Variants in STRADA observed in about 807,000 individuals in gnomAD.
STRADA encodes the protein STE20-related kinase adapter protein alpha.
In STRADA, 26 loss-of-function variants were observed where a neutral mutation model predicts 55.0. The observed-to-expected ratio is 0.47, with a 90% CI of 0.35 to 0.66. STRADA has a LOEUF of 0.66. STRADA is among the 30% of genes least tolerant of loss of function. The pLI, the probability that STRADA is intolerant of heterozygous loss-of-function variation, is 0.01. For missense variants in STRADA, 443 were observed against 549.7 expected (o/e 0.81, Z 1.94); for synonymous variants, 197 against 210.9 (o/e 0.93, Z 0.57).
intron 8 of STRADA, among the ~76,000 whole-genome samples, chr17:63,708,302 CA>C (rs1369697932): frequency 6.6e-6 from 1 of 151,550 alleles, no homozygotes; most frequent in Non-Finnish European, 1.5e-5. Context: ...CAGGTTCAAG[CA>C]ATTCTCCTGC....
In STRADA at chr17:63,704,034, T is replaced by C. The variant is rs745628385; in HGVS notation, c.1114A>G (p.Thr372Ala). ...RNPDARPSASTLLNHSFFKQI... is the reference protein window; with the variant it reads ...RNPDARPSASALLNHSFFKQI... The stretch of plus-strand genomic sequence containing the variant: ...TTGAAGAAAGAGTGGTTCAGGAGGG[T>C]GCTGGCACTGGGCCTGGAGGGAAAG... Residue 372 changes from threonine (T) to alanine (A), a missense_variant, in exon 12 of 13, where the codon ACC (threonine) becomes GCC (alanine). Thr to Ala is a moderately conservative substitution (Grantham distance 58). Transcript: ENST00000336174. 1 of 1,613,694 alleles carries C rather than the reference T, an allele frequency of 6.2e-7. No individual in the cohort carries two copies. The highest frequency in any genetic ancestry group is 1.1e-5 in the South Asian group (1 of 91,062).
intron 10 of STRADA, 94 bp from the exon 11 acceptor site, chr17:63,704,676 C>T (rs2035962227): frequency 1.5e-5 from 22 of 1,511,002 alleles, no homozygotes; most frequent in East Asian, 4.7e-5. Flanking sequence ...ATACACTGTT[C>T]CCAATATGCA....
intron 1 of STRADA, among the ~76,000 whole-genome samples, chr17:63,732,831 C>T (rs1356514661): frequency 2.0e-5 from 3 of 152,292 alleles, no homozygotes; most frequent in Non-Finnish European, 2.9e-5. Flanking sequence ...ATTCTCCTAC[C>T]TTGGCCTCCC....
chr17:63,739,775 CATAT>C (rs1555711960), intron 1 of STRADA, among the ~76,000 whole-genome samples: 3 of 106,930 alleles, frequency 2.8e-5, no homozygotes, highest in Non-Finnish European at 5.4e-5. Flanking sequence ...TATATATGTA[CATAT>C]ATACATATAA....
At chr17:63,741,877 A>C (rs904749315), upstream of STRADA, 4 of 152,334 alleles carry the variant, frequency 2.6e-5, no homozygotes, top group African/African-American at 7.2e-5. Context: ...GGGAGGACTG[A>C]TAGAGCGCTC....
intron 6 of STRADA, 157 bp from the exon 7 acceptor site, chr17:63,710,993 A>C (rs1328549463): frequency 1.9e-5 from 12 of 647,662 alleles, no homozygotes; most frequent in Non-Finnish European, 3.2e-5. Context: ...AACATAGGAA[A>C]AACAAGGCCC....
chr17:63,740,151 C>CATACAGATATAT (rs1340895689), intron 1 of STRADA, among the ~76,000 whole-genome samples: 1 of 79,684 alleles, frequency 1.3e-5, no homozygotes, highest in Admixed American at 1.3e-4. Context: ...TATATATACA[C>CATACAGATATAT]ACACACACAC....
intron 2 of STRADA, chr17:63,727,643 A>G (rs1186777657): frequency 6.6e-6 from 1 of 152,234 alleles, no homozygotes; most frequent in Non-Finnish European, 1.5e-5. Flanking sequence ...TAATATCCTA[A>G]ATTGAAAACT....
chr17:63,708,460 AG>A (rs1385951279), intron 8 of STRADA, among the ~76,000 whole-genome samples: 14 of 152,108 alleles, frequency 9.2e-5, no homozygotes, highest in Non-Finnish European at 1.2e-4. Context: ...GGCCTCCCAA[AG>A]TGCTGCCACT....
intron 1 of STRADA, among the ~76,000 whole-genome samples, chr17:63,731,256 C>CTTTT (rs60777564): frequency 3.8e-5 from 3 of 78,044 alleles, no homozygotes; most frequent in Non-Finnish European, 6.4e-5. Context: ...ATATTCTTTC[C>CTTTT]TTTTTTTTTT....
intron 4 of STRADA, among the ~76,000 whole-genome samples, chr17:63,717,359 G>A (rs2036962151): frequency 6.6e-6 from 1 of 152,174 alleles, no homozygotes; most frequent in African/African-American, 2.4e-5. Flanking sequence ...CCAGGCTGGA[G>A]TGCAATGGCG....
intron 1 of STRADA, among the ~76,000 whole-genome samples, chr17:63,730,705 C>T (rs978868576): frequency 4.6e-5 from 7 of 151,972 alleles, no homozygotes; most frequent in Non-Finnish European, 5.9e-5. Flanking sequence ...TATAGGTACG[C>T]GCACCACTAC....
At chr17:63,719,176 T>C (rs1049639541) in intron 4 of STRADA, 1 of 152,250 alleles carries the variant, frequency 6.6e-6, no homozygotes, top group African/African-American at 2.4e-5. Flanking sequence ...CATGATGACC[T>C]ATGCTGGAAA....
rs763124917 is a variant in STRADA, at chr17:63,707,328, C to T, written c.672G>A (p.Gly224=). 2.5e-6 allele frequency: 4 copies of T among 1,614,076 alleles called. No individual in the cohort carries two copies. Among genetic ancestry groups the T allele is most frequent in the Admixed American group, 3.3e-5 (2 of 60,008 alleles). Reference sequence around the variant, plus strand: ...AATCGTGGACCACTCGCTGCCGCTGCCCATGGCTTATCATGCTGAGGTTGC... The same window carrying T: ...AATCGTGGACCACTCGCTGCCGCTGTCCATGGCTTATCATGCTGAGGTTGC... ...LRSNLSMISH[G]QRQRVVHDFP... The change falls in exon 9 of 13, where the codon GGG becomes GGA. Residue 224 remains glycine (G), a synonymous_variant. Coordinates refer to ENST00000336174, the MANE Select transcript of STRADA (RefSeq NM_001003787.4).
At position 63,724,446 on chromosome 17, in the gene STRADA, C is replaced by CTT. The variant is rs200012223; in HGVS notation, c.95-1122_95-1121dup. ...GTGTGAGCCACTGCGCCTGGCCTAC[C>CTT]TTTTTTTTTTTTTGAGACGGAGTCT... On this transcript the variant is annotated intron_variant, in intron 3 of 12. Coordinates refer to ENST00000336174, the MANE Select transcript of STRADA (RefSeq NM_001003787.4). Among the ~76,000 whole-genome samples, 86 of 140,294 alleles carry CTT rather than the reference C, an allele frequency of 6.1e-4. 1 individual carries two copies. Among genetic ancestry groups the CTT allele is most frequent in the South Asian group, 3.7e-3 (17 of 4,542 alleles). The allele number at this position is 140,294 out of a possible 152,430, so 92.0% of individuals were successfully genotyped here. A position where few individuals can be genotyped will look rare whatever the true frequency, so the allele number is the denominator to read the frequency against.
rs1406641046 is a variant in STRADA, at chr17:63,710,770, C to A, written c.415G>T (p.Ala139Ser). The A allele has an allele frequency of 2.5e-6, 4 of 1,614,040 alleles. No homozygotes were observed. The East Asian group carries it at 8.9e-5, about 36-fold the overall frequency. Residue 139 changes from alanine (A) to serine (S), a missense_variant, in exon 7 of 13, where the codon GCA (alanine) becomes TCA (serine). Physicochemically the swap from Ala to Ser is moderately conservative, Grantham distance 99. Coordinates refer to ENST00000336174, the MANE Select transcript of STRADA (RefSeq NM_001003787.4). Reference protein sequence around the residue: ...NIVPYRATFIADNELWVVTSF... With the variant: ...NIVPYRATFISDNELWVVTSF... Reference sequence around the variant, plus strand: ...GTGACAACCCACAGCTCATTGTCTGCAATAAAAGTGGCTCGATATGGCACG... The same window carrying A: ...GTGACAACCCACAGCTCATTGTCTGAAATAAAAGTGGCTCGATATGGCACG...
intron 1 of STRADA, among the ~76,000 whole-genome samples, chr17:63,740,143 TATATACACACAC>T (rs1330526173): frequency 4.3e-5 from 2 of 46,606 alleles, no homozygotes; most frequent in Non-Finnish European, 7.8e-5. Context: ...TACATATATA[TATATACACACAC>T]ACACACACAC....
chr17:63,707,253 G>A lies in STRADA; in HGVS notation c.747C>T (p.Leu249=). 1 of 1,614,164 alleles carries A rather than the reference G, an allele frequency of 6.2e-7. No individual in the cohort carries two copies. The highest frequency in any genetic ancestry group is 8.5e-7 in the Non-Finnish European group (1 of 1,180,026). ...TCTGGGCCCACACACAGACCTGCTGGAGGACCTCGGGGCTGAGCCACGGCA... is the reference window on the plus strand; with the variant it reads ...TCTGGGCCCACACACAGACCTGCTGAAGGACCTCGGGGCTGAGCCACGGCA... The part of the protein sequence containing the change: ...KVLPWLSPEV[L]QQNLQGYDAK... Residue 249 remains leucine, a synonymous_variant, in exon 9 of 13, where the codon CTC becomes CTT. Transcript: ENST00000336174.
intron 5 of STRADA, 99 bp downstream of exon 5, chr17:63,713,907 G>A: frequency 1.1e-6 from 1 of 946,690 alleles, no homozygotes; most frequent in Non-Finnish European, 1.7e-6. Context: ...CTCCTAACTA[G>A]TGGATGGCCT....
Sources: gnomAD v4.1 joint callset for allele counts (sites outside exome capture counted in the v4.1 genomes callset) on GRCh38, gnomAD v4.1.1 for gene constraint, MANE v1.5 for transcripts, NCBI Gene and HGNC (gene_info 2026-07-23, HGNC 2026-07-21) for gene names.